OR2K2: variants seen among roughly 807,000 people sequenced by gnomAD.
OR2K2 encodes olfactory receptor 2K2.
A neutral mutation model predicts 11.1 loss-of-function variants in OR2K2; 7 were observed. The ratio of observed to expected loss-of-function variants is 0.63; its 90% confidence interval spans 0.36 to 1.19. OR2K2 has a LOEUF of 1.19. Ranked by LOEUF, OR2K2 falls within the 50% of genes most tolerant of loss-of-function variation. The probability of loss-of-function intolerance (pLI) is 0.02; values close to 1 mark genes in which losing one functional copy is unlikely to be tolerated. For synonymous variants in OR2K2, 152 were observed against 150.8 expected, an observed-to-expected ratio of 1.01 and a Z score of -0.06; for missense variants, 391 against 383.4, an observed-to-expected ratio of 1.02 and a Z score of -0.17.
chr9:111,327,511 G>A lies in OR2K2; in HGVS notation c.923C>T (p.Thr308Ile). Reference protein sequence around the residue: ...DAMKKLLGKITLHQTHEHL With the variant: ...DAMKKLLGKIILHQTHEHL ...GAGATGTTCGTGTGTTTGATGCAAT[G>A]TTATTTTGCCCAGCAATTTCTTCAT... Residue 308 changes from threonine to isoleucine, a missense_variant, in exon 2 of 2, where the codon ACA becomes ATA. Coordinates refer to ENST00000302681, the MANE Select transcript of OR2K2 (RefSeq NM_205859.2). The A allele has an allele frequency of 6.2e-7, 1 of 1,609,588 alleles. No individual in the cohort carries two copies. Among genetic ancestry groups the A allele is most frequent in the Non-Finnish European group, 8.5e-7 (1 of 1,178,104 alleles).
Position 111,328,333 on chromosome 9 carries a change from A to AT in OR2K2, c.100dup (p.Met34AsnfsTer23), listed in dbSNP as rs904509182. ...GTTGCCCAAGAGCGTTGTCAGATACATTACAAGGCTGAAGACGAAGAGAAC... is the reference window on the plus strand; with the variant it reads ...GTTGCCCAAGAGCGTTGTCAGATACATTTACAAGGCTGAAGACGAAGAGAAC... On this transcript the variant is annotated frameshift_variant, in exon 2 of 2. Coordinates refer to ENST00000302681, the MANE Select transcript of OR2K2 (RefSeq NM_205859.2). LOFTEE classifies it high-confidence loss of function. 57 of 1,613,800 alleles carry AT rather than the reference A, an allele frequency of 3.5e-5. No individual in the cohort carries two copies. Among genetic ancestry groups the AT allele is most frequent in the Non-Finnish European group, 4.7e-5 (56 of 1,179,886 alleles).
rs776938302 is a variant in OR2K2, at chr9:111,327,751, G to T, written c.683C>A (p.Thr228Asn). Residue 228 changes from threonine to asparagine, a missense_variant, in exon 2 of 2, where the codon ACC becomes AAC. Coordinates refer to ENST00000302681, the MANE Select transcript of OR2K2 (RefSeq NM_205859.2). Reference protein sequence around the residue: ...IFILSTILRITSAEGRNKAFS... With the variant: ...IFILSTILRINSAEGRNKAFS... ...AGCCTTGTTTCTTCCCTCTGCTGAG[G>T]TGATTCTCAGAATAGTGGAAAGGAT... The T allele has an allele frequency of 2.8e-5, 45 of 1,614,176 alleles. No individual in the cohort carries two copies. The highest frequency in any genetic ancestry group is 3.8e-5 in the Non-Finnish European group (45 of 1,180,012).
chr9:111,328,258 A>C lies in OR2K2; in HGVS notation c.176T>G (p.Met59Arg), dbSNP rs1409741598. 6.2e-7 allele frequency: 1 copy of C among 1,614,066 alleles called. No homozygotes were observed. Among genetic ancestry groups the C allele is most frequent in the Non-Finnish European group, 8.5e-7 (1 of 1,180,020 alleles). ...TILDSRLKTPMYLFLGNLSFM... is the reference protein window; with the variant it reads ...TILDSRLKTPRYLFLGNLSFM... ...AGAGAGATTTCCAAGGAATAAGTAC[A>C]TGGGGGTTTTAAGGCGTGAATCTAG... The change falls in exon 2 of 2, where the codon ATG becomes AGG. Residue 59 changes from methionine to arginine, a missense_variant. Met to Arg is a moderately conservative substitution (Grantham distance 91). Transcript: ENST00000302681.
At position 111,327,982 on chromosome 9, in the gene OR2K2, G is replaced by A. The variant is rs746812189; in HGVS notation, c.452C>T (p.Thr151Met). The change falls in exon 2 of 2, where the codon ACG (threonine) becomes ATG (methionine). Residue 151 changes from threonine to methionine, a missense_variant. Thr to Met is a moderately conservative substitution (Grantham distance 81, BLOSUM62 -1). Coordinates refer to ENST00000302681, the MANE Select transcript of OR2K2 (RefSeq NM_205859.2). ...TTCCAGCAGAGCGGTCAGGCAACCC[G>A]TCACCCAGGAGACCGTAGCCATCCG... ...CARMATVSWV[T>M]GCLTALLETS... The A allele has an allele frequency of 1.1e-5, 17 of 1,614,012 alleles. No homozygotes were observed. The African/African-American group carries it at 1.2e-4, about 11-fold the overall frequency.
At chr9:111,328,592 T>G (rs980941205) in intron 1 of OR2K2, 110 bp from the exon 2 acceptor site, 5 of 622,390 alleles carry the variant, frequency 8.0e-6, no homozygotes, top group African/African-American at 1.8e-5. Context: ...AATCACAGGA[T>G]AGTGTGTTTA....
In OR2K2 at chr9:111,328,418, A is replaced by G; in HGVS notation, c.16T>C (p.Phe6Leu). Residue 6 changes from phenylalanine (F) to leucine (L), a missense_variant, in exon 2 of 2, where the codon TTC becomes CTC. Coordinates refer to ENST00000302681, the MANE Select transcript of OR2K2 (RefSeq NM_205859.2). MQGEN[F>L]TIWSIFFLEG... ...AAGAAAAAAATGCTCCAAATGGTGA[A>G]GTTTTCTCCTTGCATTTTCTTTCTT... The G allele has an allele frequency of 6.2e-7, 1 of 1,607,274 alleles. No individual in the cohort carries two copies. The highest frequency in any genetic ancestry group is 8.5e-7 in the Non-Finnish European group (1 of 1,178,438).
Position 111,328,386 on chromosome 9 carries a change from T to A in OR2K2, c.48A>T (p.Gly16=), listed in dbSNP as rs1463184389. 1.9e-6 allele frequency: 3 copies of A among 1,612,438 alleles called. No individual in the cohort carries two copies. Among genetic ancestry groups the A allele is most frequent in the Non-Finnish European group, 2.5e-6 (3 of 1,179,976 alleles). ...CTTCTAACCCTGGGTACTGGGAAAA[T>A]CCCTCCAAGAAAAAAATGCTCCAAA... ...FTIWSIFFLE[G]FSQYPGLEVV... The change falls in exon 2 of 2, where the codon GGA becomes GGT. Residue 16 remains glycine, a synonymous_variant. Transcript: ENST00000302681.
Position 111,327,577 on chromosome 9 carries a change from G to A in OR2K2, c.857C>T (p.Pro286Leu). 1.9e-6 allele frequency: 3 copies of A among 1,613,370 alleles called. No individual in the cohort carries two copies. Among genetic ancestry groups the A allele is most frequent in the Non-Finnish European group, 2.5e-6 (3 of 1,179,810 alleles). The change falls in exon 2 of 2, where the codon CCC (proline) becomes CTC (leucine). Residue 286 changes from proline (P) to leucine (L), a missense_variant. Coordinates refer to ENST00000302681, the MANE Select transcript of OR2K2 (RefSeq NM_205859.2). Reference protein sequence around the residue: ...LYGVLTPMLNPIIYSLRNKEV... With the variant: ...LYGVLTPMLNLIIYSLRNKEV... Reference sequence around the variant, plus strand: ...CTTGTTTCTTAAACTGTAAATTATGGGGTTCAACATAGGGGTAAGCACTCC... The same window carrying A: ...CTTGTTTCTTAAACTGTAAATTATGAGGTTCAACATAGGGGTAAGCACTCC...
chr9:111,327,685 T>G lies in OR2K2; in HGVS notation c.749A>C (p.Tyr250Ser), dbSNP rs754005444. Residue 250 changes from tyrosine to serine, a missense_variant, in exon 2 of 2, where the codon TAT (tyrosine) becomes TCT (serine). By Grantham distance (144) the Tyr-to-Ser change is moderately radical. Coordinates refer to ENST00000302681, the MANE Select transcript of OR2K2 (RefSeq NM_205859.2). Reference protein sequence around the residue: ...CGAHLTVVILYYGAALSMYLK... With the variant: ...CGAHLTVVILSYGAALSMYLK... ...GTACATAGAGAGGGCAGCCCCATAA[T>G]ACAAAATCACCACAGTCAAATGGGC... 2 of 1,614,108 alleles carry G rather than the reference T, an allele frequency of 1.2e-6. No individual in the cohort carries two copies. The highest frequency in any genetic ancestry group is 4.5e-5 in the East Asian group (2 of 44,874).
chr9:111,327,380 A>C lies in OR2K2; in HGVS notation c.*103T>G. On this transcript the variant is annotated 3_prime_UTR_variant, in exon 2 of 2. Coordinates refer to ENST00000302681, the MANE Select transcript of OR2K2 (RefSeq NM_205859.2). ...GCAGCTCATAACTGTGAAATTATAT[A>C]GAGATAAGATCCGATCAGAGTTCTA... 9.8e-6 allele frequency: 7 copies of C among 717,132 alleles called. No homozygotes were observed. The highest frequency in any genetic ancestry group is 2.6e-5 in the East Asian group (1 of 38,806). 44.4% of individuals were successfully genotyped at this position (717,132 alleles called of 1,614,324 possible). A position where few individuals can be genotyped will look rare whatever the true frequency, so the allele number is the denominator to read the frequency against.
rs201533635 is a variant in OR2K2 at position 111,327,495 on chromosome 9, G to A, written c.939C>T (p.His313=). 1.4e-5 allele frequency: 23 copies of A among 1,599,932 alleles called. No homozygotes were observed. Among genetic ancestry groups the A allele is most frequent in the East Asian group, 4.5e-5 (2 of 44,814 alleles). The change falls in exon 2 of 2, where the codon CAC becomes CAT. Residue 313 remains histidine (H), a synonymous_variant. Transcript: ENST00000302681. The part of the protein sequence containing the change: ...LLGKITLHQT[H]EHL Reference sequence around the variant, plus strand: ...CATAGGGACCCAATCAGAGATGTTCGTGTGTTTGATGCAATGTTATTTTGC... The same window carrying A: ...CATAGGGACCCAATCAGAGATGTTCATGTGTTTGATGCAATGTTATTTTGC...
chr9:111,327,708 G>A lies in OR2K2; in HGVS notation c.726C>T (p.Ala242=). The A allele has an allele frequency of 6.2e-7, 1 of 1,614,080 alleles. No individual in the cohort carries two copies. The highest frequency in any genetic ancestry group is 8.5e-7 in the Non-Finnish European group (1 of 1,179,994). ...AATACAAAATCACCACAGTCAAATG[G>A]GCACCACAGGTAGAAAAAGCCTTGT... is the stretch of plus-strand genomic sequence containing the variant. ...GRNKAFSTCG[A]HLTVVILYYG... Residue 242 remains alanine, a synonymous_variant, in exon 2 of 2, where the codon GCC becomes GCT. Transcript: ENST00000302681.
rs1180280430 is a variant in OR2K2 at position 111,330,132 on chromosome 9, A to C, written c.-76T>G. The C allele has an allele frequency of 6.6e-6, 1 of 152,232 alleles. No individual in the cohort carries two copies. The highest frequency in any genetic ancestry group is 1.9e-4 in the East Asian group (1 of 5,208). The allele number at this position is 152,232 out of a possible 1,614,324, so 9.4% of individuals were successfully genotyped here. A position where few individuals can be genotyped will look rare whatever the true frequency, so the allele number is the denominator to read the frequency against. On this transcript the variant is annotated 5_prime_UTR_variant, in exon 1 of 2. The change creates a new upstream start codon in the 5' untranslated region. Coordinates refer to ENST00000302681, the MANE Select transcript of OR2K2 (RefSeq NM_205859.2). ...TGAGATTTGATATTCAAAAGTATTT[A>C]ATAGTAGCCAAGAAGAATTGGTCCT... is the stretch of plus-strand genomic sequence containing the variant.
At position 111,327,882 on chromosome 9, in the gene OR2K2, T is replaced by C. The variant is rs2098101709; in HGVS notation, c.552A>G (p.Leu184=). The C allele has an allele frequency of 1.6e-5, 26 of 1,614,068 alleles. No homozygotes were observed. Among genetic ancestry groups the C allele is most frequent in the Middle Eastern group, 1.6e-4 (1 of 6,084 alleles). The change falls in exon 2 of 2, where the codon CTA becomes CTG. Residue 184 remains leucine (L), a synonymous_variant. Coordinates refer to ENST00000302681, the MANE Select transcript of OR2K2 (RefSeq NM_205859.2). The part of the protein sequence containing the change: ...DHFTCEILAV[L]KLACTSSLLM... The stretch of plus-strand genomic sequence containing the variant: ...GCAGTGAACTTGTGCAAGCTAACTT[T>C]AGCACCGCCAGAATTTCACACGTGA...
Position 111,329,210 on chromosome 9 carries a change from G to GA in OR2K2, c.-49-729dup, listed in dbSNP as rs201514425. Among the ~76,000 whole-genome samples the GA allele has an allele frequency of 6.3e-3, 946 of 151,336 alleles. 8 individuals are homozygous for GA. Among genetic ancestry groups the GA allele is most frequent in the African/African-American group, 0.022 (907 of 41,308 alleles). On this transcript the variant is annotated intron_variant, in intron 1 of 1. Coordinates refer to ENST00000302681, the MANE Select transcript of OR2K2 (RefSeq NM_205859.2). ...CAGTGAGACTCTGTCTCAAAAAAAA[G>GA]AAAAAAAAATTTAAACCAACTTCAT...
chr9:111,327,818 AGAG>A lies in OR2K2; in HGVS notation c.613_615del (p.Leu206del). The A allele has an allele frequency of 6.2e-7, 1 of 1,614,202 alleles. No individual in the cohort carries two copies. Among genetic ancestry groups the A allele is most frequent in the Non-Finnish European group, 8.5e-7 (1 of 1,180,030 alleles). Reference sequence around the variant, plus strand: ...CAAACTAAGAGCATTGGAATTGGCAAGAGGAGAATGCTGACCACCAGCATGATG... The same window carrying A: ...CAAACTAAGAGCATTGGAATTGGCAAGAGAATGCTGACCACCAGCATGATG... On this transcript the variant is annotated inframe_deletion, in exon 2 of 2. Coordinates refer to ENST00000302681, the MANE Select transcript of OR2K2 (RefSeq NM_205859.2).
In OR2K2 at chr9:111,328,335, T is replaced by G; in HGVS notation, c.99A>C (p.Val33=). The G allele has an allele frequency of 6.2e-7, 1 of 1,613,850 alleles. No individual in the cohort carries two copies. Among genetic ancestry groups the G allele is most frequent in the Non-Finnish European group, 8.5e-7 (1 of 1,179,862 alleles). ...LEVVLFVFSL[V]MYLTTLLGNS... ...TGCCCAAGAGCGTTGTCAGATACAT[T>G]ACAAGGCTGAAGACGAAGAGAACCA... The change falls in exon 2 of 2, where the codon GTA becomes GTC. Residue 33 remains valine, a synonymous_variant. Transcript: ENST00000302681.
At position 111,327,718 on chromosome 9, in the gene OR2K2, G is replaced by A. The variant is rs529292393; in HGVS notation, c.716C>T (p.Thr239Ile). The A allele has an allele frequency of 1.2e-6, 2 of 1,614,152 alleles. No individual in the cohort carries two copies. Among genetic ancestry groups the A allele is most frequent in the South Asian group, 1.1e-5 (1 of 91,072 alleles). The change falls in exon 2 of 2, where the codon ACC becomes ATC. Residue 239 changes from threonine (T) to isoleucine (I), a missense_variant. Physicochemically the swap from Thr to Ile is moderately conservative, Grantham distance 89 (BLOSUM62 -1). Transcript: ENST00000302681. Reference sequence around the variant, plus strand: ...CACCACAGTCAAATGGGCACCACAGGTAGAAAAAGCCTTGTTTCTTCCCTC... The same window carrying A: ...CACCACAGTCAAATGGGCACCACAGATAGAAAAAGCCTTGTTTCTTCCCTC... ...SAEGRNKAFS[T>I]CGAHLTVVIL...
In OR2K2 at chr9:111,327,898, T is replaced by A; in HGVS notation, c.536A>T (p.Glu179Val). 6.2e-7 allele frequency: 1 copy of A among 1,614,194 alleles called. No homozygotes were observed. Among genetic ancestry groups the A allele is most frequent in the East Asian group, 2.2e-5 (1 of 44,882 alleles). ...AGCTAACTTTAGCACCGCCAGAATTTCACACGTGAAGTGATCGATGAGATT... is the reference window on the plus strand; with the variant it reads ...AGCTAACTTTAGCACCGCCAGAATTACACACGTGAAGTGATCGATGAGATT... Reference protein sequence around the residue: ...CGNLIDHFTCEILAVLKLACT... With the variant: ...CGNLIDHFTCVILAVLKLACT... The change falls in exon 2 of 2, where the codon GAA becomes GTA. Residue 179 changes from glutamate to valine, a missense_variant. Glu to Val is a moderately radical substitution (Grantham distance 121). Coordinates refer to ENST00000302681, the MANE Select transcript of OR2K2 (RefSeq NM_205859.2).
Sources: gnomAD v4.1 joint callset for allele counts (sites outside exome capture counted in the v4.1 genomes callset) on GRCh38, gnomAD v4.1.1 for gene constraint, MANE v1.5 for transcripts, NCBI Gene and HGNC (gene_info 2026-07-23, HGNC 2026-07-21) for gene names.